INPP5A: variants seen among roughly 807,000 people sequenced by gnomAD.
INPP5A encodes the protein 43 kDa inositol polyphosphate 5-phophatase.
A neutral mutation model predicts 65.2 loss-of-function variants in INPP5A; 14 were observed. The ratio of observed to expected loss-of-function variants is 0.21; its 90% CI spans 0.14 to 0.34. The LOEUF is 0.34. Ranked by LOEUF, INPP5A falls within the 10% of genes least tolerant of loss-of-function variation. The pLI is 1.00. For synonymous variants in INPP5A, 207 were observed against 208.3 expected (o/e 0.99, Z 0.05); for missense variants, 431 against 545.6 (o/e 0.79, Z 2.09).
chr10:132,561,419 A>G (rs2071204004), intron 1 of INPP5A, among the ~76,000 whole-genome samples: 1 of 151,016 alleles, frequency 6.6e-6, no homozygotes. Context: ...TTGCATATCC[A>G]TATCTGGTTG....
chr10:132,540,618 A>G (rs1697443106), intron 1 of INPP5A, among the ~76,000 whole-genome samples: 1 of 152,266 alleles, frequency 6.6e-6, no homozygotes, highest in Non-Finnish European at 1.5e-5. Context: ...CTTGTGGGCC[A>G]GAAGCCTGGC....
At chr10:132,717,814 G>T (rs946600686) in intron 8 of INPP5A, among the ~76,000 whole-genome samples, 20 of 143,832 alleles carry the variant, frequency 1.4e-4, no homozygotes, top group Non-Finnish European at 3.0e-4. Context: ...TGGTACCTGG[G>T]TTCTGTCTGG....
intron 4 of INPP5A, among the ~76,000 whole-genome samples, chr10:132,656,488 TC>T (rs1030339020): frequency 1.3e-5 from 2 of 151,722 alleles, no homozygotes; most frequent in Non-Finnish European, 2.9e-5. Context: ...CCTCGGAGGG[TC>T]CCCCCTGCTT....
rs1374702517 is a variant in INPP5A at position 132,659,861 on chromosome 10, C to G, written c.306+9356C>G. On this transcript the variant is annotated intron_variant, in intron 4 of 15. Transcript: ENST00000368594. This position sits in a 1 kb window ranked among gnomAD's most constrained non-coding sequence, Gnocchi z 5.5. ...CAGAGCCAGATGCCCACAACAGGAT[C>G]CAGTGCTGTCAGCTGGGCTCCAGAA... Among the ~76,000 whole-genome samples, 1 of 152,246 alleles carries G rather than the reference C, an allele frequency of 6.6e-6. No individual in the cohort carries two copies. Among genetic ancestry groups the G allele is most frequent in the Non-Finnish European group, 1.5e-5 (1 of 68,036 alleles).
rs949423352 is a variant in INPP5A, at chr10:132,637,957, G to C, written c.118-7911G>C. ...GACTTCCTTTTGCTCATCTTTAGTG[G>C]GAGTATGGGGTTTGCAAGATTCCTA... is the stretch of plus-strand genomic sequence containing the variant. On this transcript the variant is annotated intron_variant, in intron 2 of 15. Transcript: ENST00000368594. The surrounding 1 kb of genome is among the most constrained non-coding windows in gnomAD (Gnocchi z 4.1). 1.2e-4 allele frequency among the ~76,000 whole-genome samples: 18 copies of C among 152,014 alleles called. No homozygotes were observed. The highest frequency in any genetic ancestry group is 1.5e-5 in the Non-Finnish European group (1 of 68,016).
In INPP5A at chr10:132,663,973, CA is replaced by C. The variant is rs1471585522; in HGVS notation, c.306+13469del. On this transcript the variant is annotated intron_variant, in intron 4 of 15. Transcript: ENST00000368594. This position sits in a 1 kb window ranked among gnomAD's most constrained non-coding sequence, Gnocchi z 4.5. ...ATCGAGTGCCGTGTCACACGCAGCCCAGGAAACAAACACGCCGCGCGAAAGG... is the reference window on the plus strand; with the variant it reads ...ATCGAGTGCCGTGTCACACGCAGCCCGGAAACAAACACGCCGCGCGAAAGG... 6.6e-6 allele frequency among the ~76,000 whole-genome samples: 1 copy of C among 152,226 alleles called. No homozygotes were observed. The highest frequency in any genetic ancestry group is 1.5e-5 in the Non-Finnish European group (1 of 68,048).
At chr10:132,694,751 A>G (rs965016614) in intron 5 of INPP5A, among the ~76,000 whole-genome samples, 4 of 152,220 alleles carry the variant, frequency 2.6e-5, no homozygotes, top group Non-Finnish European at 5.9e-5. Flanking sequence ...AGGATAATAA[A>G]AGAATATCAT....
chr10:132,745,855 T>C (rs1846362327), intron 9 of INPP5A, among the ~76,000 whole-genome samples: 1 of 148,176 alleles, frequency 6.7e-6, no homozygotes, highest in East Asian at 2.0e-4. Context: ...GGCCCGGCCA[T>C]GGTGGCCTCG....
At chr10:132,633,963 C>T (rs1029509845) in intron 2 of INPP5A, among the ~76,000 whole-genome samples, 1 of 152,300 alleles carries the variant, frequency 6.6e-6, no homozygotes. Flanking sequence ...TCTTCCCACC[C>T]CTGAGCATTT....
intron 1 of INPP5A, among the ~76,000 whole-genome samples, chr10:132,588,321 G>A (rs969539739): frequency 6.6e-6 from 1 of 152,192 alleles, no homozygotes; most frequent in Non-Finnish European, 1.5e-5. Flanking sequence ...ACTGAATTTC[G>A]AGACAGCTCT....
At chr10:132,758,058 A>G (rs541675507) in intron 11 of INPP5A, among the ~76,000 whole-genome samples, 132 of 138,836 alleles carry the variant, frequency 9.5e-4, no homozygotes, top group African/African-American at 3.5e-3. Flanking sequence ...CCCACAGGCC[A>G]GTGTGATGTC....
At chr10:132,567,449 T>C (rs1392724045) in intron 1 of INPP5A, among the ~76,000 whole-genome samples, 4 of 152,226 alleles carry the variant, frequency 2.6e-5, no homozygotes, top group African/African-American at 9.6e-5. Flanking sequence ...CGCAGCCCCT[T>C]GGGCAACTTT....
chr10:132,737,075 G>C (rs1846189670), intron 9 of INPP5A, among the ~76,000 whole-genome samples: 1 of 152,246 alleles, frequency 6.6e-6, no homozygotes, highest in Non-Finnish European at 1.5e-5. Flanking sequence ...GCAGGCCTGA[G>C]CTCCTAAAAA....
intron 1 of INPP5A, among the ~76,000 whole-genome samples, chr10:132,590,420 AG>A (rs1337619232): frequency 1.3e-5 from 2 of 152,128 alleles, no homozygotes; most frequent in Non-Finnish European, 2.9e-5. Flanking sequence ...GTCTGCCGGC[AG>A]GGAGGCTGGG....
At chr10:132,774,047 C>G (rs535231020) in intron 12 of INPP5A, among the ~76,000 whole-genome samples, 2 of 152,232 alleles carry the variant, frequency 1.3e-5, no homozygotes, top group African/African-American at 4.8e-5. Flanking sequence ...CAGGCGTGAG[C>G]CCCCATGCCC....
chr10:132,560,783 T>G (rs2133268616), intron 1 of INPP5A, among the ~76,000 whole-genome samples: 1 of 152,190 alleles, frequency 6.6e-6, no homozygotes. Flanking sequence ...TTTTAAAAAG[T>G]TTTAGTTTGT....
At chr10:132,771,377 G>A (rs904309339) in intron 12 of INPP5A, among the ~76,000 whole-genome samples, 2 of 152,248 alleles carry the variant, frequency 1.3e-5, no homozygotes, top group African/African-American at 4.8e-5. Context: ...TGCCCAGCAC[G>A]GCCCGGCCTC....
chr10:132,548,927 G>T (rs1179088225), intron 1 of INPP5A, among the ~76,000 whole-genome samples: 2 of 151,488 alleles, frequency 1.3e-5, no homozygotes, highest in Admixed American at 6.6e-5. Context: ...CTCCTGAGTA[G>T]CTGGGGCCAC....
At chr10:132,540,888 C>T (rs79919904) in intron 1 of INPP5A, among the ~76,000 whole-genome samples, 8,279 of 152,334 alleles carry the variant, frequency 0.054, 285 homozygotes, top group Non-Finnish European at 0.077. Flanking sequence ...GCAGATATCC[C>T]GGACTGTGGC....
Sources: gnomAD v4.1 joint callset for allele counts (sites outside exome capture counted in the v4.1 genomes callset) on GRCh38, gnomAD v4.1.1 for gene constraint, Gnocchi (gnomAD v3.1) non-coding constraint, MANE v1.5 for transcripts, NCBI Gene and HGNC (gene_info 2026-07-23, HGNC 2026-07-21) for gene names.